Variants in PDE11A observed in about 807,000 individuals in gnomAD.
PDE11A encodes phosphodiesterase 11A, also known as dual 3',5'-cyclic-AMP and -GMP phosphodiesterase 11A.
In PDE11A, 100 loss-of-function variants were observed where a neutral mutation model predicts 100.5. The ratio of observed to expected loss-of-function variants is 1.00; its 90% CI spans 0.85 to 1.18. The LOEUF (loss-of-function observed/expected upper bound fraction) is 1.18. Among genes scored for constraint, PDE11A ranks in the 50% most tolerant of loss-of-function variants. The pLI, the probability that PDE11A is intolerant of heterozygous loss-of-function variation, is 0.00. For missense variants in PDE11A, 1,141 were observed against 1,152.6 expected (o/e 0.99, Z 0.15); for synonymous variants, 381 against 420.8 (o/e 0.91, Z 1.16).
chr2:177,741,553 A>G (rs1272485068), intron 10 of PDE11A, among the ~76,000 whole-genome samples: 3 of 152,242 alleles, frequency 2.0e-5, no homozygotes, highest in Non-Finnish European at 4.4e-5. Context: ...GTTCCATGTC[A>G]GACCCAAAAA....
intron 2 of PDE11A, among the ~76,000 whole-genome samples, chr2:177,916,465 T>A (rs982148217): frequency 2.0e-5 from 3 of 152,212 alleles, no homozygotes; most frequent in Admixed American, 2.0e-4. Flanking sequence ...CGTTTCAGTC[T>A]CTAATCCAGA....
intron 13 of PDE11A, among the ~76,000 whole-genome samples, chr2:177,702,950 A>G (rs1363987145): frequency 6.6e-6 from 1 of 152,140 alleles, no homozygotes; most frequent in Non-Finnish European, 1.5e-5. Flanking sequence ...GTTAGTTACT[A>G]TTTGTCTTAC....
chr2:177,937,832 TTC>T (rs1215199362), intron 2 of PDE11A, among the ~76,000 whole-genome samples: 1 of 152,136 alleles, frequency 6.6e-6, no homozygotes, highest in Non-Finnish European at 1.5e-5. Flanking sequence ...CCAGGAAAGT[TTC>T]TCTTTTTCCA....
At chr2:177,755,565 A>G (rs2082080293) in intron 10 of PDE11A, among the ~76,000 whole-genome samples, 1 of 152,086 alleles carries the variant, frequency 6.6e-6, no homozygotes, top group South Asian at 2.1e-4. Context: ...CTGCGACCCC[A>G]TGTTTCCACC....
rs1262588911 is a variant in PDE11A at position 177,816,838 on chromosome 2, CACAG to C, written c.1724_1727del (p.Ser575TrpfsTer48). 6.3e-7 allele frequency: 1 copy of C among 1,582,152 alleles called. No individual in the cohort carries two copies. The highest frequency in any genetic ancestry group is 1.3e-5 in the African/African-American group (1 of 74,358). On this transcript the variant is annotated frameshift_variant, in exon 9 of 20. Transcript: ENST00000286063. LOFTEE classifies it high-confidence loss of function. ...TAAACACTGTACTTACATCAAGAGC[CACAG>C]ACTGCTTGGCCCAGGACTTCTTCAC...
intron 9 of PDE11A, among the ~76,000 whole-genome samples, chr2:177,791,535 A>AT (rs745919414): frequency 6.6e-5 from 1 of 15,170 alleles, no homozygotes; most frequent in Non-Finnish European, 1.8e-4. Context: ...CTTAAAGTAT[A>AT]AAAAAAAAAA....
At chr2:177,915,891 G>A (rs989559185) in intron 2 of PDE11A, among the ~76,000 whole-genome samples, 35 of 152,110 alleles carry the variant, frequency 2.3e-4, no homozygotes, top group Non-Finnish European at 5.1e-4. Flanking sequence ...CACCTTCACT[G>A]TGTAATCTAC....
At chr2:177,948,623 G>A (rs1340509977) in intron 2 of PDE11A, among the ~76,000 whole-genome samples, 1 of 152,146 alleles carries the variant, frequency 6.6e-6, no homozygotes, top group Non-Finnish European at 1.5e-5. Context: ...TTAATAACAG[G>A]CTGAGTGCAG....
chr2:177,853,895 GATATATATGTATATATGTGC>G (rs2083780515), intron 5 of PDE11A, among the ~76,000 whole-genome samples: 2 of 131,868 alleles, frequency 1.5e-5, no homozygotes, highest in Non-Finnish European at 3.2e-5. Context: ...TATGTGTATA[GATATATATGTATATATGTGC>G]ATATATATGT....
chr2:177,710,225 G>C (rs1285537451), intron 13 of PDE11A, among the ~76,000 whole-genome samples: 2 of 152,104 alleles, frequency 1.3e-5, no homozygotes, highest in Non-Finnish European at 1.5e-5. Flanking sequence ...CTCTTACCGA[G>C]ATAGGAGGGA....
In PDE11A at chr2:177,669,476, T is replaced by A. The variant is rs955131134; in HGVS notation, c.2562+17A>T. The A allele has an allele frequency of 3.0e-6, 3 of 1,001,888 alleles. 1 individual carries two copies. Among genetic ancestry groups the A allele is most frequent in the Non-Finnish European group, 4.8e-6 (3 of 621,156 alleles). The allele number at this position is 1,001,888 out of a possible 1,614,324, so 62.1% of individuals were successfully genotyped here. A position where few individuals can be genotyped will look rare whatever the true frequency, so the allele number is the denominator to read the frequency against. Reference sequence around the variant, plus strand: ...ATTCAAAAGGGTAAATACGTTATAATTAAAGGATGAACTCACTGAAGGAGT... The same window carrying A: ...ATTCAAAAGGGTAAATACGTTATAAATAAAGGATGAACTCACTGAAGGAGT... On this transcript the variant is annotated intron_variant, in intron 18 of 19. Transcript: ENST00000286063.
chr2:177,973,230 G>C (rs1407970634), intron 2 of PDE11A, among the ~76,000 whole-genome samples: 2 of 136,884 alleles, frequency 1.5e-5, no homozygotes, highest in Non-Finnish European at 3.1e-5. Context: ...GTGTGTGTGC[G>C]CACCGTGCGC....
Position 177,629,148 on chromosome 2 carries a change from C to T in PDE11A, c.*259G>A, listed in dbSNP as rs1465235916. On this transcript the variant is annotated 3_prime_UTR_variant, in exon 20 of 20. Transcript: ENST00000286063. ...ATCCAAAACAGTCCCCTACCCAGAG[C>T]CTTCATTTCAGCCCATGCGTGTTCA... 3 of 513,222 alleles carry T rather than the reference C, an allele frequency of 5.8e-6. No homozygotes were observed. Among genetic ancestry groups the T allele is most frequent in the Non-Finnish European group, 1.1e-5 (3 of 283,060 alleles). The allele number at this position is 513,222 out of a possible 1,614,324, so 31.8% of individuals were successfully genotyped here.
intron 2 of PDE11A, among the ~76,000 whole-genome samples, chr2:177,964,435 A>G (rs548188840): frequency 1.3e-5 from 2 of 152,088 alleles, no homozygotes; most frequent in Admixed American, 6.6e-5. Context: ...GGTTTGTTAC[A>G]TGGGTAAATT....
chr2:178,101,024 T>C (rs1044101923), intron 2 of PDE11A, among the ~76,000 whole-genome samples: 1 of 152,186 alleles, frequency 6.6e-6, no homozygotes, highest in African/African-American at 2.4e-5. Flanking sequence ...GTCTATCAAC[T>C]GAAAATCCTA....
intron 1 of PDE11A, among the ~76,000 whole-genome samples, chr2:178,053,832 A>G (rs2086861893): frequency 1.3e-5 from 2 of 152,196 alleles, no homozygotes; most frequent in Admixed American, 1.3e-4. Context: ...CTCAAGGAGA[A>G]CTACAAACCA....
At chr2:177,956,227 A>C (rs1415056490) in intron 2 of PDE11A, among the ~76,000 whole-genome samples, 2 of 152,078 alleles carry the variant, frequency 1.3e-5, no homozygotes, top group African/African-American at 4.8e-5. Flanking sequence ...AAAACAAACA[A>C]CCCCATCAAA....
chr2:177,735,314 A>C (rs1485293013), intron 10 of PDE11A, among the ~76,000 whole-genome samples: 1 of 152,200 alleles, frequency 6.6e-6, no homozygotes, highest in Non-Finnish European at 1.5e-5. Flanking sequence ...GTCATAGAGA[A>C]TGTATCAAAA....
chr2:177,998,178 C>A (rs773446407), intron 2 of PDE11A: 1 of 903,884 alleles, frequency 1.1e-6, no homozygotes, highest in African/African-American at 1.6e-5. Context: ...TTAACCCAGA[C>A]AGTAATTCAT....
Sources: gnomAD v4.1 joint callset for allele counts (sites outside exome capture counted in the v4.1 genomes callset) on GRCh38, gnomAD v4.1.1 for gene constraint, MANE v1.5 for transcripts, NCBI Gene and HGNC (gene_info 2026-07-23, HGNC 2026-07-21) for gene names.